The following UBR3 variants were observed in gnomAD, a reference collection of about 807,000 sequenced individuals.
UBR3 encodes ubiquitin protein ligase E3 component n-recognin 3, also known as E3 ubiquitin-protein ligase UBR3.
In UBR3, 85 loss-of-function variants were observed where a neutral mutation model predicts 243.2. That is an observed-to-expected ratio of 0.35 (90% CI 0.29 to 0.42). UBR3 has a LOEUF of 0.42. UBR3 is among the 10% of genes least tolerant of loss of function. The pLI is 1.00. For missense variants in UBR3, 1,686 were observed against 2,300.8 expected, an observed-to-expected ratio of 0.73 and a Z score of 5.47; for synonymous variants, 748 against 799.8, an observed-to-expected ratio of 0.94 and a Z score of 1.09.
At chr2:169,836,644 A>C (rs2082122131) in intron 1 of UBR3, among the ~76,000 whole-genome samples, 1 of 152,042 alleles carries the variant, frequency 6.6e-6, no homozygotes, top group Non-Finnish European at 1.5e-5. Flanking sequence ...CTTAAAAAAA[A>C]AAAAACCAAA....
intron 36 of UBR3, chr2:170,078,328 T>C (rs1320260385): frequency 1.5e-5 from 4 of 267,710 alleles, no homozygotes; most frequent in Non-Finnish European, 2.9e-5. Context: ...GCGAAAATGC[T>C]CTCAATTTTT....
rs370182645 is a variant in UBR3 at position 169,896,629 on chromosome 2, T to C, written c.1359T>C (p.Asn453=). The C allele has an allele frequency of 3.2e-6, 5 of 1,551,246 alleles. No individual in the cohort carries two copies. In the African/African-American group the frequency reaches 4.1e-5, roughly 13 times the overall value. The change falls in exon 8 of 39, where the codon AAT becomes AAC. Residue 453 remains asparagine (N), a synonymous_variant. Coordinates refer to ENST00000272793, the MANE Select transcript of UBR3 (RefSeq NM_172070.4). Reference sequence around the variant, plus strand: ...ATATTAGTGTTCAGTTGTTCAGCAATGAGGAGCTAGCCAGACAGGTAACAG... The same window carrying C: ...ATATTAGTGTTCAGTTGTTCAGCAACGAGGAGCTAGCCAGACAGGTAACAG... ...IVHISVQLFS[N]EELARQVTEE...
chr2:169,849,793 C>A (rs1358176395), intron 1 of UBR3, among the ~76,000 whole-genome samples: 1 of 152,162 alleles, frequency 6.6e-6, no homozygotes, highest in Non-Finnish European at 1.5e-5. Context: ...TAGGGGAAGG[C>A]TTCCTGCTTT....
At chr2:169,909,188 T>G (rs185003964) in intron 10 of UBR3, among the ~76,000 whole-genome samples, 1 of 152,172 alleles carries the variant, frequency 6.6e-6, no homozygotes, top group African/African-American at 2.4e-5. Context: ...GTTGGAGAGA[T>G]AGGCAGAGAT....
chr2:170,029,300 A>G (rs770345433), intron 30 of UBR3, 46 bp from the exon 31 acceptor site: 7 of 1,492,620 alleles, frequency 4.7e-6, no homozygotes, highest in Non-Finnish European at 6.4e-6. Flanking sequence ...TTTGTTCTGT[A>G]ACAAATGTGT....
At position 169,864,906 on chromosome 2, in the gene UBR3, CAAAA is replaced by C. The variant is rs11336906; in HGVS notation, c.546-7310_546-7307del. 8.7e-3 allele frequency among the ~76,000 whole-genome samples: 565 copies of C among 64,822 alleles called. 3 individuals carry two copies. The highest frequency in any genetic ancestry group is 0.033 in the African/African-American group (530 of 16,096). The allele number at this position is 64,822 out of a possible 152,430, so 42.5% of individuals were successfully genotyped here. On this transcript the variant is annotated intron_variant, in intron 1 of 38. Transcript: ENST00000272793. ...CGGGTGACGGAGCGAGACTCCGTCT[CAAAA>C]AAAAAAAAAAAAAAAAAAAGAAAGA...
chr2:169,886,367 C>G (rs936754755), intron 5 of UBR3, among the ~76,000 whole-genome samples: 9 of 152,122 alleles, frequency 5.9e-5, no homozygotes, highest in Admixed American at 3.3e-4. Context: ...TCCATAAATA[C>G]TTCCAATCGT....
intron 5 of UBR3, among the ~76,000 whole-genome samples, chr2:169,887,163 T>C (rs2084132872): frequency 6.6e-6 from 1 of 152,252 alleles, no homozygotes; most frequent in South Asian, 2.1e-4. Context: ...TCTTGTCTCA[T>C]GTCTTCTTGT....
Position 170,080,043 on chromosome 2 carries a change from A to T in UBR3, c.5409+20A>T. 1 of 1,593,106 alleles carries T rather than the reference A, an allele frequency of 6.3e-7. No individual in the cohort carries two copies. The highest frequency in any genetic ancestry group is 2.2e-5 in the East Asian group (1 of 44,742). On this transcript the variant is annotated intron_variant, in intron 37 of 38. Coordinates refer to ENST00000272793, the MANE Select transcript of UBR3 (RefSeq NM_172070.4). ...GTACTGGTAAGCAATAGTAGATAAT[A>T]CAAAATTTATGAAAACACAGATCTC... is the stretch of plus-strand genomic sequence containing the variant.
At chr2:169,925,331 A>G (rs898019110) in intron 13 of UBR3, among the ~76,000 whole-genome samples, 4 of 152,200 alleles carry the variant, frequency 2.6e-5, no homozygotes, top group Non-Finnish European at 5.9e-5. Context: ...AAACATAAGC[A>G]TTGATTTCTT....
intron 37 of UBR3, 179 bp from the exon 38 acceptor site, chr2:170,080,366 C>T: frequency 1.3e-6 from 1 of 749,632 alleles, no homozygotes; most frequent in East Asian, 2.8e-5. Flanking sequence ...ATATTCCTTA[C>T]CCAAATACCT....
At chr2:170,055,162 T>A (rs1015744420) in intron 32 of UBR3, among the ~76,000 whole-genome samples, 1 of 152,126 alleles carries the variant, frequency 6.6e-6, no homozygotes, top group Non-Finnish European at 1.5e-5. Flanking sequence ...TCAGGCGTAG[T>A]GGCACATGCC....
Position 169,949,875 on chromosome 2 carries a change from A to T in UBR3, c.3355A>T (p.Ile1119Phe). 1 of 1,603,774 alleles carries T rather than the reference A, an allele frequency of 6.2e-7. No individual in the cohort carries two copies. The highest frequency in any genetic ancestry group is 8.5e-7 in the Non-Finnish European group (1 of 1,174,078). Residue 1119 changes from isoleucine to phenylalanine, a missense_variant, in exon 23 of 39, where the codon ATC (isoleucine) becomes TTC (phenylalanine). Ile to Phe is a conservative substitution (Grantham distance 21, BLOSUM62 0). This residue lies in a region of UBR3 where 300 missense variants were observed against 314.4 expected (regional missense o/e 0.95). Coordinates refer to ENST00000272793, the MANE Select transcript of UBR3 (RefSeq NM_172070.4). ...TTGGCTTGATGACATAGAAATTTTA[A>T]TCCAACCAGAAATTCCTAAATACAG... ...PPWLDDIEILIQPEIPKYSHG... is the reference protein window; with the variant it reads ...PPWLDDIEILFQPEIPKYSHG...
intron 1 of UBR3, among the ~76,000 whole-genome samples, chr2:169,838,397 GTGTGTGTGTGT>G (rs2082182350): frequency 3.5e-5 from 1 of 28,194 alleles, no homozygotes; most frequent in Admixed American, 2.8e-4. Flanking sequence ...TTGTGTGTGT[GTGTGTGTGTGT>G]GTGTGTGTGT....
At chr2:170,080,415 T>A (rs539617134) in intron 37 of UBR3, 130 bp from the exon 38 acceptor site, 20 of 1,007,344 alleles carry the variant, frequency 2.0e-5, no homozygotes, top group Non-Finnish European at 2.5e-5. Context: ...AATGGAGTTA[T>A]AAGTTTAACT....
At chr2:169,993,140 T>C (rs2089345978) in intron 25 of UBR3, among the ~76,000 whole-genome samples, 1 of 152,226 alleles carries the variant, frequency 6.6e-6, no homozygotes, top group Admixed American at 6.5e-5. Flanking sequence ...ATACTGTTTA[T>C]ATTCAGATTC....
intron 30 of UBR3, among the ~76,000 whole-genome samples, chr2:170,028,121 T>A (rs2090578377): frequency 6.6e-6 from 1 of 151,958 alleles, no homozygotes; most frequent in Non-Finnish European, 1.5e-5. Context: ...TTTAGATTCC[T>A]CTGTTCGTTA....
At chr2:169,840,697 C>T (rs2082262017) in intron 1 of UBR3, among the ~76,000 whole-genome samples, 1 of 152,182 alleles carries the variant, frequency 6.6e-6, no homozygotes, top group Admixed American at 6.5e-5. Flanking sequence ...TGCCCTGTGA[C>T]AGTTCTCTGC....
chr2:169,890,822 A>G (rs1054768039), intron 5 of UBR3, among the ~76,000 whole-genome samples: 1 of 149,316 alleles, frequency 6.7e-6, no homozygotes, highest in East Asian at 1.9e-4. Flanking sequence ...CTACCTTCCT[A>G]TAATAATCTC....
Sources: allele counts gnomAD v4.1 joint callset (sites outside exome capture counted in the v4.1 genomes callset), GRCh38; gene constraint gnomAD v4.1.1; regional missense constraint gnomAD v4.1.1; transcripts MANE v1.5; gene names NCBI Gene and HGNC (gene_info 2026-07-23, HGNC 2026-07-21).